RNF144A: variants seen among roughly 807,000 people sequenced by gnomAD.
RNF144A encodes the protein ring finger protein 144A.
In RNF144A, 11 loss-of-function variants were observed where a neutral mutation model predicts 38.7. The observed-to-expected ratio is 0.28, with a 90% CI of 0.18 to 0.47. The LOEUF is 0.47. Ranked by LOEUF, RNF144A falls within the 20% of genes least tolerant of loss-of-function variation. RNF144A has a pLI of 0.99. For missense variants in RNF144A, 316 were observed against 377.2 expected (o/e 0.84, Z 1.34); for synonymous variants, 149 against 143.9 (o/e 1.04, Z -0.25).
At chr2:7,035,336 C>T (rs187905011) in intron 8 of RNF144A, among the ~76,000 whole-genome samples, 45 of 152,322 alleles carry the variant, frequency 3.0e-4, no homozygotes, top group Non-Finnish European at 5.7e-4. Context: ...GAGACATGTA[C>T]CAGTGTAGTA....
At chr2:6,991,182 G>C (rs1572351791) in intron 2 of RNF144A, among the ~76,000 whole-genome samples, 1 of 152,172 alleles carries the variant, frequency 6.6e-6, no homozygotes, top group African/African-American at 2.4e-5. Flanking sequence ...CTTCACATTA[G>C]CTGGGAAACT....
chr2:6,926,801 ATTG>A (rs1479767973), intron 1 of RNF144A, among the ~76,000 whole-genome samples: 1 of 152,098 alleles, frequency 6.6e-6, no homozygotes, highest in African/African-American at 2.4e-5. Flanking sequence ...CTTTATTTCT[ATTG>A]TTGTTGTTGT....
chr2:6,942,368 G>C (rs1195740114), intron 2 of RNF144A, among the ~76,000 whole-genome samples: 5 of 152,218 alleles, frequency 3.3e-5, no homozygotes, highest in Admixed American at 6.5e-5. Flanking sequence ...GACCATCTCA[G>C]AGGACGTTGG....
chr2:7,024,920 C>T (rs1314961160), intron 7 of RNF144A, among the ~76,000 whole-genome samples: 1 of 151,890 alleles, frequency 6.6e-6, no homozygotes, highest in African/African-American at 2.4e-5. Flanking sequence ...AATCAGGGTA[C>T]ACCAGATTTG....
chr2:7,022,617 T>C (rs1671608472), intron 6 of RNF144A, among the ~76,000 whole-genome samples: 3 of 152,162 alleles, frequency 2.0e-5, no homozygotes, highest in Admixed American at 1.3e-4. Flanking sequence ...CATGAGAAAA[T>C]TGGTTTCTTA....
rs375994544 is a variant in RNF144A, at chr2:6,996,898, G to C, written c.-11-18G>C. 4.4e-6 allele frequency: 7 copies of C among 1,608,692 alleles called. No homozygotes were observed. The South Asian group carries it at 7.7e-5, about 18-fold the overall frequency. On this transcript the variant is annotated intron_variant, in intron 2 of 8. Coordinates refer to ENST00000320892, the MANE Select transcript of RNF144A (RefSeq NM_014746.6). The stretch of plus-strand genomic sequence containing the variant: ...CAGGGGTGGGGAGGTCTGACCTTCC[G>C]TGCTTCTCTCGTTTCAGACTGTTCT...
intron 3 of RNF144A, among the ~76,000 whole-genome samples, chr2:7,006,005 G>A (rs1052324773): frequency 6.6e-6 from 1 of 151,024 alleles, no homozygotes; most frequent in Non-Finnish European, 1.5e-5. Context: ...CACATTCAAA[G>A]TGTTTTTCTC....
chr2:6,996,407 AGTT>A (rs757124968), intron 2 of RNF144A, among the ~76,000 whole-genome samples: 2 of 152,130 alleles, frequency 1.3e-5, no homozygotes, highest in Non-Finnish European at 2.9e-5. Flanking sequence ...TGTGTGGGTG[AGTT>A]GTTTGCCGTT....
chr2:6,960,725 G>C (rs1458024536), intron 2 of RNF144A, among the ~76,000 whole-genome samples: 1 of 152,184 alleles, frequency 6.6e-6, no homozygotes, highest in Non-Finnish European at 1.5e-5. Flanking sequence ...AAATGTTCCT[G>C]GCAAATACAT....
At chr2:6,930,887 C>T (rs1665167551) in intron 1 of RNF144A, among the ~76,000 whole-genome samples, 1 of 152,192 alleles carries the variant, frequency 6.6e-6, no homozygotes, top group Non-Finnish European at 1.5e-5. Context: ...AGCCACTGCG[C>T]CTGGCTAACT....
At chr2:6,986,181 C>A (rs1668950481) in intron 2 of RNF144A, among the ~76,000 whole-genome samples, 1 of 152,124 alleles carries the variant, frequency 6.6e-6, no homozygotes, top group African/African-American at 2.4e-5. Flanking sequence ...GGCCACTGTT[C>A]CATGAAGGTA....
At chr2:6,960,757 T>G (rs1219979756) in intron 2 of RNF144A, among the ~76,000 whole-genome samples, 2 of 152,218 alleles carry the variant, frequency 1.3e-5, no homozygotes, top group Non-Finnish European at 2.9e-5. Flanking sequence ...TGTGGAGGTA[T>G]GAGAGTTCTT....
At chr2:6,926,715 C>T (rs1377365146) in intron 1 of RNF144A, among the ~76,000 whole-genome samples, 4 of 152,226 alleles carry the variant, frequency 2.6e-5, no homozygotes, top group African/African-American at 7.2e-5. Flanking sequence ...AATGAATCTG[C>T]GTCTTTTCCC....
At chr2:7,065,078 A>T (rs1674148098) in intron 6 of RNF144A, among the ~76,000 whole-genome samples, 1 of 152,250 alleles carries the variant, frequency 6.6e-6, no homozygotes, top group Admixed American at 6.5e-5. Context: ...TAATGTTTAT[A>T]GGTTGTCTGC....
At chr2:6,963,950 C>A (rs1667494501) in intron 2 of RNF144A, among the ~76,000 whole-genome samples, 1 of 152,132 alleles carries the variant, frequency 6.6e-6, no homozygotes, top group Non-Finnish European at 1.5e-5. Flanking sequence ...TTTCCTCACT[C>A]CCCTCCTGGC....
intron 1 of RNF144A, among the ~76,000 whole-genome samples, chr2:6,930,059 G>A (rs978798169): frequency 2.0e-5 from 3 of 152,228 alleles, no homozygotes; most frequent in Non-Finnish European, 2.9e-5. Flanking sequence ...GCACAGTTGC[G>A]CTTTGGAGAA....
chr2:7,051,207 A>T (rs1274152928), intron 6 of RNF144A, among the ~76,000 whole-genome samples: 3 of 152,160 alleles, frequency 2.0e-5, no homozygotes, highest in Admixed American at 1.3e-4. Flanking sequence ...CTCAGAGCAC[A>T]GATTGGGAGG....
At chr2:7,023,970 A>G (rs1216756944) in intron 6 of RNF144A, among the ~76,000 whole-genome samples, 3 of 152,252 alleles carry the variant, frequency 2.0e-5, no homozygotes, top group East Asian at 3.8e-4. Context: ...AGCAAAGTAC[A>G]TAAAATTTAT....
intron 3 of RNF144A, among the ~76,000 whole-genome samples, chr2:7,002,954 G>A (rs1186948685): frequency 6.6e-6 from 1 of 151,834 alleles, no homozygotes; most frequent in East Asian, 1.9e-4. Context: ...TGTAGGTCTA[G>A]GCTAATGTGT....
Sources: gnomAD v4.1 joint callset for allele counts (sites outside exome capture counted in the v4.1 genomes callset) on GRCh38, gnomAD v4.1.1 for gene constraint, MANE v1.5 for transcripts, NCBI Gene and HGNC (gene_info 2026-07-23, HGNC 2026-07-21) for gene names.